DOCK10: variants seen among roughly 807,000 people sequenced by gnomAD.
The protein encoded by DOCK10 is dedicator of cytokinesis protein 10.
DOCK10 carries 145 observed loss-of-function variants against 280.1 expected under a neutral mutation model. The observed-to-expected ratio is 0.52, with a 90% CI of 0.45 to 0.59. DOCK10 has a LOEUF of 0.59. Among genes scored for constraint, DOCK10 ranks in the 20% least tolerant of loss-of-function variants. The pLI, the probability that DOCK10 is intolerant of heterozygous loss-of-function variation, is 0.00. For synonymous variants in DOCK10, 915 were observed against 942.2 expected, an observed-to-expected ratio of 0.97 and a Z score of 0.53; for missense variants, 2,368 against 2,651.7, an observed-to-expected ratio of 0.89 and a Z score of 2.35.
intron 3 of DOCK10, among the ~76,000 whole-genome samples, chr2:224,907,127 G>A (rs1158928768): frequency 2.6e-5 from 4 of 152,208 alleles, no homozygotes; most frequent in South Asian, 2.1e-4. Context: ...CGGATTCACA[G>A]TTGCCCCTAG....
chr2:225,007,459 T>C (rs1467244036), intron 1 of DOCK10, among the ~76,000 whole-genome samples: 2 of 152,192 alleles, frequency 1.3e-5, no homozygotes, highest in African/African-American at 4.8e-5. Context: ...ACATGCAAGT[T>C]AAGTCTAAGA....
intron 1 of DOCK10, among the ~76,000 whole-genome samples, chr2:224,991,165 A>G (rs1185374925): frequency 6.6e-6 from 1 of 152,158 alleles, no homozygotes; most frequent in Non-Finnish European, 1.5e-5. Context: ...AAGCCAGCCC[A>G]CCAAAGACTC....
chr2:224,941,459 A>G (rs1054298106), intron 1 of DOCK10, among the ~76,000 whole-genome samples: 1 of 152,216 alleles, frequency 6.6e-6, no homozygotes, highest in Non-Finnish European at 1.5e-5. Flanking sequence ...GAGTTTCTGC[A>G]GCAAACGGCA....
At chr2:224,946,768 C>T in intron 1 of DOCK10, 2 of 1,119,572 alleles carry the variant, frequency 1.8e-6, no homozygotes, top group South Asian at 1.7e-5. Context: ...TGCTAGAATA[C>T]CACTGTAGAG....
At chr2:224,967,358 G>T (rs1291550465) in intron 1 of DOCK10, among the ~76,000 whole-genome samples, 7 of 152,124 alleles carry the variant, frequency 4.6e-5, no homozygotes, top group Non-Finnish European at 1.0e-4. Flanking sequence ...GGGATTACAG[G>T]CGTGAGCCAC....
intron 18 of DOCK10, 43 bp downstream of exon 18, chr2:224,852,334 G>A: frequency 1.4e-6 from 2 of 1,471,028 alleles, no homozygotes; most frequent in Non-Finnish European, 1.9e-6. Flanking sequence ...CCCTGCACCT[G>A]CCTTCCCACT....
chr2:224,775,188 C>T (rs1244729200), intron 51 of DOCK10, 73 bp from the exon 52 acceptor site: 9 of 1,389,734 alleles, frequency 6.5e-6, no homozygotes, highest in Non-Finnish European at 8.1e-6. Flanking sequence ...CTCCCATTCC[C>T]TCAGCTTGCA....
At chr2:224,885,640 AT>A (rs1380207922) in intron 7 of DOCK10, 30 bp downstream of exon 7, 1 of 1,531,300 alleles carries the variant, frequency 6.5e-7, no homozygotes, top group African/African-American at 1.4e-5. Context: ...ATAAAAAAAA[AT>A]CCCAAGGAGG....
chr2:224,839,081 G>A (rs1270958400), intron 24 of DOCK10, among the ~76,000 whole-genome samples: 1 of 132,110 alleles, frequency 7.6e-6, no homozygotes, highest in Non-Finnish European at 1.6e-5. Context: ...AATGTTCATA[G>A]CACTTCTTTT....
intron 47 of DOCK10, among the ~76,000 whole-genome samples, chr2:224,790,023 T>C (rs1248932421): frequency 1.3e-5 from 2 of 152,144 alleles, no homozygotes; most frequent in Non-Finnish European, 2.9e-5. Context: ...TCAGGTGATC[T>C]GCCCGCCTCA....
chr2:224,947,383 T>C (rs1386731143), intron 1 of DOCK10, among the ~76,000 whole-genome samples: 2 of 152,218 alleles, frequency 1.3e-5, no homozygotes, highest in African/African-American at 2.4e-5. Flanking sequence ...AAGTCAACTG[T>C]AATAATATGG....
chr2:224,791,468 C>CTTT (rs11399072), intron 47 of DOCK10, among the ~76,000 whole-genome samples: 3 of 141,324 alleles, frequency 2.1e-5, no homozygotes, highest in Admixed American at 7.1e-5. Flanking sequence ...GTTCAAAAGT[C>CTTT]TTTTTTTTTT....
chr2:224,794,767 G>A (rs1242550625), intron 45 of DOCK10, 112 bp downstream of exon 45: 1 of 982,678 alleles, frequency 1.0e-6, no homozygotes, highest in East Asian at 2.4e-5. Context: ...GTCATTTCTA[G>A]ATTAGTTGAA....
chr2:224,797,829 T>TA lies in DOCK10; in HGVS notation c.4644+2dup, dbSNP rs1692689407. On this transcript the variant is annotated splice_region_variant and intron_variant, in intron 42 of 55. Transcript: ENST00000258390. The stretch of plus-strand genomic sequence containing the variant: ...AACTTCATTGAAACCTGGAGATCCT[T>TA]ACCTTGCATACAAACAGTCTCAAGG... The TA allele has an allele frequency of 6.2e-7, 1 of 1,612,488 alleles. No individual in the cohort carries two copies. The highest frequency in any genetic ancestry group is 1.3e-5 in the African/African-American group (1 of 74,848).
At position 224,893,680 on chromosome 2, in the gene DOCK10, A is replaced by C. The variant is rs528490042; in HGVS notation, c.416+2615T>G. 11 of 450,082 alleles carry C rather than the reference A, an allele frequency of 2.4e-5. No homozygotes were observed. The East Asian group carries it at 7.1e-4, about 29-fold the overall frequency. 27.9% of individuals were successfully genotyped at this position (450,082 alleles called of 1,614,324 possible). A position where few individuals can be genotyped will look rare whatever the true frequency, so the allele number is the denominator to read the frequency against. On this transcript the variant is annotated intron_variant, in intron 4 of 55. Transcript: ENST00000258390. ...TAAAAATAAAAAAAGTGAAAATCTT[A>C]AGAGTCAATAATACACATTTAAATT...
At chr2:224,971,181 C>T (rs1196707194) in intron 1 of DOCK10, among the ~76,000 whole-genome samples, 1 of 152,082 alleles carries the variant, frequency 6.6e-6, no homozygotes, top group Non-Finnish European at 1.5e-5. Flanking sequence ...AGAGAAGTAC[C>T]ATTTGAGCAG....
At chr2:224,919,961 C>G (rs1206206426) in intron 2 of DOCK10, among the ~76,000 whole-genome samples, 1 of 152,132 alleles carries the variant, frequency 6.6e-6, no homozygotes, top group Non-Finnish European at 1.5e-5. Context: ...CCAATTCAAA[C>G]CAGGCATAGG....
chr2:224,808,989 A>G (rs1382303117), intron 31 of DOCK10, among the ~76,000 whole-genome samples: 1 of 152,114 alleles, frequency 6.6e-6, no homozygotes, highest in East Asian at 1.9e-4. Flanking sequence ...TATTTGAGGG[A>G]GCAAGGAGAG....
chr2:225,005,974 G>T (rs1164558651), intron 1 of DOCK10, among the ~76,000 whole-genome samples: 1 of 152,196 alleles, frequency 6.6e-6, no homozygotes, highest in Non-Finnish European at 1.5e-5. Flanking sequence ...CCTCTAGGGT[G>T]TACAAAAACA....
Sources: gnomAD v4.1 joint callset for allele counts (sites outside exome capture counted in the v4.1 genomes callset) on GRCh38, gnomAD v4.1.1 for gene constraint, MANE v1.5 for transcripts, NCBI Gene and HGNC (gene_info 2026-07-23, HGNC 2026-07-21) for gene names.